The following KYNU variants were observed in gnomAD, a reference collection of about 807,000 sequenced individuals.
KYNU encodes the protein L-kynurenine hydrolase.
A neutral mutation model predicts 59.2 loss-of-function variants in KYNU; 54 were observed. The ratio of observed to expected loss-of-function variants is 0.91; its 90% CI spans 0.73 to 1.14. KYNU has a LOEUF of 1.14. Ranked by LOEUF, KYNU falls within the 50% of genes most tolerant of loss-of-function variation. The pLI is 0.00. For synonymous variants in KYNU, 177 were observed against 192.0 expected (o/e 0.92, Z 0.65); for missense variants, 567 against 554.4 (o/e 1.02, Z -0.23).
intron 4 of KYNU, among the ~76,000 whole-genome samples, chr2:142,936,806 G>C (rs1683404676): frequency 6.6e-6 from 1 of 152,188 alleles, no homozygotes; most frequent in Non-Finnish European, 1.5e-5. Context: ...TCCTTTGTCT[G>C]GCTGCTGTGG....
At chr2:142,965,738 G>A (rs570312966) in intron 8 of KYNU, among the ~76,000 whole-genome samples, 1 of 152,214 alleles carries the variant, frequency 6.6e-6, no homozygotes, top group Non-Finnish European at 1.5e-5. Flanking sequence ...CATGAGTAAG[G>A]AAATATTTCA....
intron 12 of KYNU, among the ~76,000 whole-genome samples, chr2:143,039,722 G>A (rs1686980910): frequency 6.6e-6 from 1 of 152,068 alleles, no homozygotes; most frequent in African/African-American, 2.4e-5. Flanking sequence ...AGACATAAGT[G>A]ATTAACTTCT....
Position 142,944,137 on chromosome 2 carries a change from C to A in KYNU, c.374-10673C>A, listed in dbSNP as rs561865045. ...GAAAGAACATTCTTATTTTATTTTT[C>A]TTCTACAAGACTTTTGGTCAGTTAG... On this transcript the variant is annotated intron_variant, in intron 4 of 13. Coordinates refer to ENST00000264170, the MANE Select transcript of KYNU (RefSeq NM_003937.3). 2.6e-5 allele frequency among the ~76,000 whole-genome samples: 4 copies of A among 152,254 alleles called. No homozygotes were observed. The South Asian group carries it at 8.3e-4, about 32-fold the overall frequency.
intron 2 of KYNU, among the ~76,000 whole-genome samples, chr2:142,915,524 T>G (rs1420954994): frequency 6.6e-6 from 1 of 152,212 alleles, no homozygotes; most frequent in African/African-American, 2.4e-5. Context: ...AACTAGTTCC[T>G]AGGTTAAGCT....
In KYNU at chr2:142,908,403, G is replaced by A. The variant is rs184427414; in HGVS notation, c.170-10206G>A. On this transcript the variant is annotated intron_variant, in intron 2 of 13. Transcript: ENST00000264170. The stretch of plus-strand genomic sequence containing the variant: ...TTGAATAATTTAATTAAATTGAGAA[G>A]TCTGTTTTTTTTTTATTATTTGTTT... Among the ~76,000 whole-genome samples the A allele has an allele frequency of 7.8e-3, 1,178 of 151,314 alleles. 20 individuals are homozygous for A. The highest frequency in any genetic ancestry group is 0.027 in the African/African-American group (1,119 of 41,260).
intron 10 of KYNU, among the ~76,000 whole-genome samples, chr2:142,988,327 A>G (rs1311813288): frequency 7.2e-5 from 11 of 151,974 alleles, no homozygotes. Flanking sequence ...TCTCTTAAGC[A>G]GAAAATATAA....
chr2:142,968,976 A>T (rs937615636), intron 8 of KYNU, among the ~76,000 whole-genome samples: 2 of 152,194 alleles, frequency 1.3e-5, no homozygotes, highest in Admixed American at 6.5e-5. Context: ...AGATGAAGGT[A>T]TGAAAGGACA....
Position 142,957,624 on chromosome 2 carries a change from T to C in KYNU, c.508-17T>C, listed in dbSNP as rs745547158. On this transcript the variant is annotated splice_polypyrimidine_tract_variant and intron_variant, in intron 6 of 13. Coordinates refer to ENST00000264170, the MANE Select transcript of KYNU (RefSeq NM_003937.3). ...CTCTCAGCTTGATTTGATAAATACA[T>C]CATCTTTCCTTTTTAGTATGCTATT... The C allele has an allele frequency of 6.7e-7, 1 of 1,496,368 alleles. No homozygotes were observed. The highest frequency in any genetic ancestry group is 1.4e-5 in the African/African-American group (1 of 72,688). The allele number at this position is 1,496,368 out of a possible 1,614,324, so 92.7% of individuals were successfully genotyped here. A position where few individuals can be genotyped will look rare whatever the true frequency, so the allele number is the denominator to read the frequency against.
At chr2:142,931,141 G>A (rs1340021453) in intron 4 of KYNU, among the ~76,000 whole-genome samples, 1 of 152,184 alleles carries the variant, frequency 6.6e-6, no homozygotes, top group East Asian at 1.9e-4. Context: ...TCTTGCTGGC[G>A]CACGCCGCTG....
At chr2:142,882,685 T>G (rs1681344686) in intron 1 of KYNU, among the ~76,000 whole-genome samples, 1 of 152,234 alleles carries the variant, frequency 6.6e-6, no homozygotes, top group African/African-American at 2.4e-5. Context: ...CTGCATAGTA[T>G]TCCATGGTGT....
chr2:142,961,751 A>G (rs1684358395), intron 8 of KYNU, among the ~76,000 whole-genome samples: 1 of 85,512 alleles, frequency 1.2e-5, no homozygotes, highest in Admixed American at 1.4e-4. Flanking sequence ...TATTTATTTG[A>G]AAAAAAAGGG....
At chr2:143,006,906 T>C (rs1460883998) in intron 10 of KYNU, among the ~76,000 whole-genome samples, 5 of 152,050 alleles carry the variant, frequency 3.3e-5, no homozygotes, top group Non-Finnish European at 5.9e-5. Flanking sequence ...AACCCATCTG[T>C]ACATCACCAT....
At chr2:142,982,196 T>C (rs962206191) in intron 8 of KYNU, among the ~76,000 whole-genome samples, 2 of 152,086 alleles carry the variant, frequency 1.3e-5, no homozygotes, top group Admixed American at 6.6e-5. Flanking sequence ...GTGCACTTGG[T>C]AAACTAATCG....
chr2:142,970,769 T>C (rs1319631712), intron 8 of KYNU, among the ~76,000 whole-genome samples: 1 of 152,222 alleles, frequency 6.6e-6, no homozygotes. Context: ...TTCAGCTCTT[T>C]ATGATTTTGC....
chr2:142,991,897 A>G (rs1038436619), intron 10 of KYNU, among the ~76,000 whole-genome samples: 2 of 151,934 alleles, frequency 1.3e-5, no homozygotes, highest in African/African-American at 2.4e-5. Flanking sequence ...TTATTCAAAC[A>G]TGATCTCAGT....
At chr2:142,962,773 A>C (rs351685) in intron 8 of KYNU, among the ~76,000 whole-genome samples, 40,818 of 152,072 alleles carry the variant, frequency 0.27, 8,498 homozygotes, top group African/African-American at 0.56. Flanking sequence ...TCCATTATCA[A>C]GATTATTCTA....
In KYNU at chr2:142,973,018, G is replaced by GTA. The variant is rs910381156; in HGVS notation, c.730-12057_730-12056dup. Among the ~76,000 whole-genome samples the GTA allele has an allele frequency of 5.4e-5, 8 of 148,022 alleles. No individual in the cohort carries two copies. In the South Asian group the frequency reaches 1.1e-3, roughly 20 times the overall value. On this transcript the variant is annotated intron_variant, in intron 8 of 13. Transcript: ENST00000264170. ...ACCAATTTGCCATTACATGATTAGT[G>GTA]TATATATATACACACACACACACAC...
intron 3 of KYNU, among the ~76,000 whole-genome samples, chr2:142,920,172 A>G (rs976098988): frequency 4.6e-5 from 7 of 152,234 alleles, no homozygotes; most frequent in African/African-American, 1.7e-4. Flanking sequence ...ACGTAATTTC[A>G]CAACTTGATG....
At chr2:142,883,871 G>T (rs975714485) in intron 1 of KYNU, among the ~76,000 whole-genome samples, 1 of 152,152 alleles carries the variant, frequency 6.6e-6, no homozygotes, top group Non-Finnish European at 1.5e-5. Flanking sequence ...ATACACTGCT[G>T]TCCTGCCATT....
Sources: allele counts gnomAD v4.1 joint callset (sites outside exome capture counted in the v4.1 genomes callset), GRCh38; gene constraint gnomAD v4.1.1; transcripts MANE v1.5; gene names NCBI Gene and HGNC (gene_info 2026-07-23, HGNC 2026-07-21).